ZNF790: variants seen among roughly 807,000 people sequenced by gnomAD.
ZNF790 encodes zinc finger protein 790.
Under a neutral mutation model 12.1 loss-of-function variants are expected in ZNF790, and 8 were observed. The ratio of observed to expected loss-of-function variants is 0.66; its 90% CI spans 0.39 to 1.19. The LOEUF is 1.19. Among genes scored for constraint, ZNF790 ranks in the 50% most tolerant of loss-of-function variants. ZNF790 has a pLI of 0.01. For missense variants in ZNF790, 707 were observed against 752.2 expected (o/e 0.94, Z 0.70); for synonymous variants, 252 against 244.3 (o/e 1.03, Z -0.29).
chr19:36,843,837 C>T (rs966527745), intron 1 of ZNF790, among the ~76,000 whole-genome samples: 12 of 151,308 alleles, frequency 7.9e-5, no homozygotes, highest in South Asian at 2.1e-4. Context: ...GGAGAAACCC[C>T]GTCTCTACTA....
chr19:36,819,146 C>G lies in ZNF790; in HGVS notation c.1198G>C (p.Gly400Arg). Residue 400 changes from glycine to arginine, a missense_variant, in exon 5 of 5, where the codon GGG becomes CGG. By Grantham distance (125) the Gly-to-Arg change is moderately radical. Transcript: ENST00000356725. ...GRKPYKCEKC[G>R]KAYIWSSHLA... ...TGTGAGCTCCAAATATAGGCTTTCC[C>G]ACATTTCTCACATTTATAAGGTTTC... The G allele has an allele frequency of 1.2e-6, 2 of 1,613,514 alleles. No individual in the cohort carries two copies. The highest frequency in any genetic ancestry group is 1.1e-5 in the South Asian group (1 of 91,030).
At chr19:36,845,155 T>C (rs2072168712) in intron 1 of ZNF790, among the ~76,000 whole-genome samples, 2 of 147,814 alleles carry the variant, frequency 1.4e-5, no homozygotes, top group African/African-American at 5.0e-5. Context: ...CAGTGGCTAA[T>C]ACTAGTAATC....
chr19:36,840,607 T>C (rs186237041), upstream of ZNF790, among the ~76,000 whole-genome samples: 1 of 152,190 alleles, frequency 6.6e-6, no homozygotes, highest in East Asian at 1.9e-4. Context: ...AACCATACTG[T>C]TTGTACAAAA....
At chr19:36,842,934 G>A (rs918352978), upstream of ZNF790, among the ~76,000 whole-genome samples, 1 of 150,974 alleles carries the variant, frequency 6.6e-6, no homozygotes, top group Non-Finnish European at 1.5e-5. Flanking sequence ...GAACCCAGGA[G>A]GTGGAGGTTG....
intron 1 of ZNF790, among the ~76,000 whole-genome samples, chr19:36,830,970 T>C (rs894000508): frequency 8.5e-5 from 13 of 152,096 alleles, no homozygotes; most frequent in African/African-American, 3.1e-4. Context: ...AAACCCTGTC[T>C]CTACTAAAAA....
intron 2 of ZNF790, among the ~76,000 whole-genome samples, chr19:36,824,279 G>A (rs530061229): frequency 1.0e-3 from 153 of 151,270 alleles, no homozygotes; most frequent in Admixed American, 1.7e-3. Context: ...TTACAGGTGT[G>A]AGCCACGACA....
chr19:36,841,547 G>A (rs1447314687), upstream of ZNF790, among the ~76,000 whole-genome samples: 1 of 151,782 alleles, frequency 6.6e-6, no homozygotes, highest in African/African-American at 2.4e-5. Flanking sequence ...TTCAACCTGG[G>A]GAATGGAGGT....
rs532773700 is a variant in ZNF790 at position 36,844,337 on chromosome 19, A to C, written c.-74+5665T>G. Among the ~76,000 whole-genome samples, 108 of 151,858 alleles carry C rather than the reference A, an allele frequency of 7.1e-4. 3 individuals carry two copies. The South Asian group carries it at 0.011, about 15-fold the overall frequency. ...AAAACAAAACAAAACAAAAAACAAA[A>C]AAAAAAAAACCCAAAAAGCCCCCAA... On this transcript the variant is annotated intron_variant, in intron 1 of 4. Transcript: ENST00000528994.
chr19:36,846,367 C>T (rs1465221399), intron 1 of ZNF790, among the ~76,000 whole-genome samples: 1 of 151,958 alleles, frequency 6.6e-6, no homozygotes, highest in African/African-American at 2.4e-5. Flanking sequence ...GAGATCGAGA[C>T]CATCCTGGCT....
intron 1 of ZNF790, chr19:36,837,574 G>C (rs976370530): frequency 6.6e-6 from 1 of 152,010 alleles, no homozygotes; most frequent in African/African-American, 2.4e-5. Flanking sequence ...GAAATCTTCA[G>C]CTCATGGTTT....
Position 36,819,161 on chromosome 19 carries a change from TA to T in ZNF790, c.1182del (p.Tyr394Ter). 1 of 1,613,684 alleles carries T rather than the reference TA, an allele frequency of 6.2e-7. No individual in the cohort carries two copies. The highest frequency in any genetic ancestry group is 1.7e-5 in the Admixed American group (1 of 59,936). On this transcript the variant is annotated frameshift_variant, in exon 5 of 5. Coordinates refer to ENST00000356725, the MANE Select transcript of ZNF790 (RefSeq NM_206894.4). LOFTEE classifies it low-confidence loss of function (END_TRUNC). ...TAGGCTTTCCCACATTTCTCACATT[TA>T]TAAGGTTTCCTACCAACATGAACAT... ...HQNVHVGRKP[Y>X]KCEKCGKAYI... is the part of the protein sequence containing the mutation.
Position 36,849,799 on chromosome 19 carries a change from G to GC in ZNF790, c.-74+202dup, listed in dbSNP as rs141424066. Among the ~76,000 whole-genome samples the GC allele has an allele frequency of 8.2e-4, 124 of 150,410 alleles. No homozygotes were observed. In the East Asian group the frequency reaches 0.013, roughly 16 times the overall value. On this transcript the variant is annotated intron_variant, in intron 1 of 4. Coordinates refer to the ZNF790 transcript ENST00000528994. ...CATACACAGATCCATACACGATCTT[G>GC]CCCCCCCCACCTCCACACACTCAAT...
chr19:36,818,018 T>A lies in ZNF790; in HGVS notation c.*415A>T, dbSNP rs2146000061. 1 of 154,900 alleles carries A rather than the reference T, an allele frequency of 6.5e-6. No individual in the cohort carries two copies. Among genetic ancestry groups the A allele is most frequent in the African/African-American group, 2.4e-5 (1 of 41,574 alleles). The allele number at this position is 154,900 out of a possible 1,614,324, so 9.6% of individuals were successfully genotyped here. A position where few individuals can be genotyped will look rare whatever the true frequency, so the allele number is the denominator to read the frequency against. On this transcript the variant is annotated 3_prime_UTR_variant, in exon 5 of 5. Transcript: ENST00000356725. ...TTGTATATTTAGTAGAGACAGGGTT[T>A]CACCATGTTGGTCAGGCTGGTCTCG...
rs924554765 is a variant in ZNF790, at chr19:36,818,315, C to T, written c.*118G>A. The T allele has an allele frequency of 8.6e-6, 8 of 926,622 alleles. No homozygotes were observed. Among genetic ancestry groups the T allele is most frequent in the Non-Finnish European group, 1.2e-5 (8 of 655,086 alleles). The allele number at this position is 926,622 out of a possible 1,614,324, so 57.4% of individuals were successfully genotyped here. A position where few individuals can be genotyped will look rare whatever the true frequency, so the allele number is the denominator to read the frequency against. ...TGCTGCTGCTGCTGCTGGATGTGTG[C>T]TCTGTTAAAATGCCTTCCAATATTA... is the stretch of plus-strand genomic sequence containing the variant. On this transcript the variant is annotated 3_prime_UTR_variant, in exon 5 of 5. Transcript: ENST00000356725.
In ZNF790 at chr19:36,818,279, TCTGCTGCTG is replaced by T. The variant is rs10564276; in HGVS notation, c.*145_*153del. ...CCTATATTGATTGCATGATGAATTC[TCTGCTGCTG>T]CTGCTGCTGCTGCTGCTGGATGTGT... is the stretch of plus-strand genomic sequence containing the variant. On this transcript the variant is annotated 3_prime_UTR_variant, in exon 5 of 5. Coordinates refer to ENST00000356725, the MANE Select transcript of ZNF790 (RefSeq NM_206894.4). 7.9e-5 allele frequency: 39 copies of T among 496,110 alleles called. No homozygotes were observed. The highest frequency in any genetic ancestry group is 2.3e-4 in the South Asian group (4 of 17,312). 30.7% of individuals were successfully genotyped at this position (496,110 alleles called of 1,614,324 possible). A position where few individuals can be genotyped will look rare whatever the true frequency, so the allele number is the denominator to read the frequency against.
chr19:36,835,269 A>T (rs1395229793), intron 1 of ZNF790, among the ~76,000 whole-genome samples: 1 of 152,120 alleles, frequency 6.6e-6, no homozygotes, highest in Non-Finnish European at 1.5e-5. Context: ...CGACAGAGGG[A>T]GACCCCGTCT....
Position 36,817,714 on chromosome 19 carries a change from T to C in ZNF790, c.*719A>G, listed in dbSNP as rs2071579148. 4 of 152,044 alleles carry C rather than the reference T, an allele frequency of 2.6e-5. No homozygotes were observed. Among genetic ancestry groups the C allele is most frequent in the Admixed American group, 2.6e-4 (4 of 15,254 alleles). The allele number at this position is 152,044 out of a possible 1,614,324, so 9.4% of individuals were successfully genotyped here. A position where few individuals can be genotyped will look rare whatever the true frequency, so the allele number is the denominator to read the frequency against. The stretch of plus-strand genomic sequence containing the variant: ...TTGAAACAAGACATGCCAAATAAAT[T>C]GTATGACATAGTTCAAGGCTTTTCT... On this transcript the variant is annotated 3_prime_UTR_variant, in exon 5 of 5. Coordinates refer to ENST00000356725, the MANE Select transcript of ZNF790 (RefSeq NM_206894.4).
chr19:36,823,276 C>T lies in ZNF790; in HGVS notation c.229+9G>A, dbSNP rs1322992921. ...ATGGCCTCCTTGTGCGTGTTCAGCC[C>T]TCACTCACCTGGGCAAGGTCCTCTT... On this transcript the variant is annotated intron_variant, in intron 4 of 4. Coordinates refer to ENST00000356725, the MANE Select transcript of ZNF790 (RefSeq NM_206894.4). 1.9e-6 allele frequency: 3 copies of T among 1,612,592 alleles called. No individual in the cohort carries two copies. Among genetic ancestry groups the T allele is most frequent in the Non-Finnish European group, 1.7e-6 (2 of 1,178,796 alleles).
intron 1 of ZNF790, among the ~76,000 whole-genome samples, chr19:36,848,515 T>C (rs1324813148): frequency 6.6e-6 from 1 of 152,158 alleles, no homozygotes; most frequent in Admixed American, 6.5e-5. Context: ...TAGCCATAAT[T>C]AAAAGATGTT....
Sources: allele counts gnomAD v4.1 joint callset (sites outside exome capture counted in the v4.1 genomes callset), GRCh38; gene constraint gnomAD v4.1.1; transcripts MANE v1.5; gene names NCBI Gene and HGNC (gene_info 2026-07-23, HGNC 2026-07-21).